Variants in DNAJC10 observed in about 807,000 individuals in gnomAD.
The protein encoded by DNAJC10 is endoplasmic reticulum disulfide reductase DNAJC10.
In DNAJC10, 101 loss-of-function variants were observed where a neutral mutation model predicts 115.0. That is an observed-to-expected ratio of 0.88 (90% CI 0.75 to 1.04). The LOEUF is 1.04. Among genes scored for constraint, DNAJC10 ranks in the 50% least tolerant of loss-of-function variants. The pLI is 0.00. For missense variants in DNAJC10, 981 were observed against 928.8 expected (o/e 1.06, Z -0.73); for synonymous variants, 307 against 301.5 (o/e 1.02, Z -0.19).
At chr2:182,733,444 AC>A (rs1298481515) in intron 10 of DNAJC10, among the ~76,000 whole-genome samples, 2 of 151,898 alleles carry the variant, frequency 1.3e-5, no homozygotes, top group African/African-American at 2.4e-5. Context: ...TAATAAAAAA[AC>A]AAAACCATGT....
intron 21 of DNAJC10, 107 bp downstream of exon 21, chr2:182,759,414 C>T: frequency 9.2e-7 from 1 of 1,083,944 alleles, no homozygotes; most frequent in Non-Finnish European, 1.3e-6. Context: ...AATGTTTCCT[C>T]TGAATTTAAA....
intron 13 of DNAJC10, among the ~76,000 whole-genome samples, chr2:182,741,849 A>G (rs1377484810): frequency 2.0e-5 from 3 of 152,154 alleles, no homozygotes; most frequent in Admixed American, 6.5e-5. Context: ...ACATGCATAC[A>G]TATTGTAATG....
intron 14 of DNAJC10, among the ~76,000 whole-genome samples, chr2:182,745,015 T>C (rs955077737): frequency 6.6e-6 from 1 of 152,232 alleles, no homozygotes; most frequent in African/African-American, 2.4e-5. Flanking sequence ...GCTTATCTCC[T>C]AGCCTTTCTT....
At chr2:182,728,091 A>G (rs1300717065) in intron 5 of DNAJC10, among the ~76,000 whole-genome samples, 2 of 152,190 alleles carry the variant, frequency 1.3e-5, no homozygotes, top group Non-Finnish European at 2.9e-5. Context: ...CTCTTATTTT[A>G]TTCTTTCAGA....
At position 182,785,855 on chromosome 2, in the gene DNAJC10, T is replaced by C. The variant is rs1694936832; in HGVS notation, c.*8723T>C. 1 of 152,134 alleles carries C rather than the reference T, an allele frequency of 6.6e-6. No homozygotes were observed. The highest frequency in any genetic ancestry group is 1.5e-5 in the Non-Finnish European group (1 of 68,012). The allele number at this position is 152,134 out of a possible 1,614,324, so 9.4% of individuals were successfully genotyped here. A position where few individuals can be genotyped will look rare whatever the true frequency, so the allele number is the denominator to read the frequency against. On this transcript the variant is annotated 3_prime_UTR_variant, in exon 24 of 24. Coordinates refer to ENST00000264065, the MANE Select transcript of DNAJC10 (RefSeq NM_018981.4). ...GAAATCAGAATATTTGAATTTGATA[T>C]TAACTAAGAATTGTTTGCAGGGGAT...
At chr2:182,749,884 T>C (rs1693971426) in intron 14 of DNAJC10, among the ~76,000 whole-genome samples, 1 of 152,178 alleles carries the variant, frequency 6.6e-6, no homozygotes, top group African/African-American at 2.4e-5. Flanking sequence ...ATTCAAAATA[T>C]GCAAGGGCTG....
intron 14 of DNAJC10, among the ~76,000 whole-genome samples, chr2:182,749,024 T>C (rs1693946372): frequency 6.6e-6 from 1 of 152,090 alleles, no homozygotes; most frequent in Non-Finnish European, 1.5e-5. Context: ...TGAGAGATAG[T>C]TTGTTATAAT....
rs770615487 is a variant in DNAJC10, at chr2:182,757,700, T to G, written c.1818T>G (p.Thr606=). 14 of 1,561,964 alleles carry G rather than the reference T, an allele frequency of 9.0e-6. No homozygotes were observed. Among genetic ancestry groups the G allele is most frequent in the Non-Finnish European group, 1.2e-5 (14 of 1,159,764 alleles). The change falls in exon 19 of 24, where the codon ACT becomes ACG. Residue 606 remains threonine (T), a synonymous_variant. Coordinates refer to ENST00000264065, the MANE Select transcript of DNAJC10 (RefSeq NM_018981.4). ...PEWKRMARTL[T]GLINVGSIDC... is the part of the protein sequence containing the mutation. ...TGTTTTTTCTTTTACAGACATTAAC[T>G]GGACTGATCAACGTGGGCAGTATAG... is the stretch of plus-strand genomic sequence containing the variant.
At chr2:182,762,930 T>A in intron 22 of DNAJC10, 129 bp downstream of exon 22, 1 of 1,077,504 alleles carries the variant, frequency 9.3e-7, no homozygotes, top group Non-Finnish European at 1.3e-6. Flanking sequence ...ATATTACTGA[T>A]ACAAGTTTTT....
At chr2:182,756,282 A>G (rs377462032) in intron 17 of DNAJC10, 32 bp from the exon 18 acceptor site, 13 of 1,577,156 alleles carry the variant, frequency 8.2e-6, no homozygotes, top group Non-Finnish European at 1.1e-5. Context: ...TGCTTTATAT[A>G]TATGTTATAA....
Position 182,782,045 on chromosome 2 carries a change from T to C in DNAJC10, c.*4913T>C, listed in dbSNP as rs1302920754. 6.6e-6 allele frequency: 1 copy of C among 152,248 alleles called. No homozygotes were observed. The highest frequency in any genetic ancestry group is 1.5e-5 in the Non-Finnish European group (1 of 68,046). The allele number at this position is 152,248 out of a possible 1,614,324, so 9.4% of individuals were successfully genotyped here. A position where few individuals can be genotyped will look rare whatever the true frequency, so the allele number is the denominator to read the frequency against. Reference sequence around the variant, plus strand: ...CCCATGCCTATGTCCTGAATGGTGTTGCCTAGGTTTTCTTCTAGGTTTTTT... The same window carrying C: ...CCCATGCCTATGTCCTGAATGGTGTCGCCTAGGTTTTCTTCTAGGTTTTTT... On this transcript the variant is annotated 3_prime_UTR_variant, in exon 24 of 24. Coordinates refer to ENST00000264065, the MANE Select transcript of DNAJC10 (RefSeq NM_018981.4).
At chr2:182,747,240 T>C (rs1349711156) in intron 14 of DNAJC10, among the ~76,000 whole-genome samples, 70 of 151,516 alleles carry the variant, frequency 4.6e-4, no homozygotes, top group African/African-American at 1.6e-3. Flanking sequence ...ATATGAACTT[T>C]AAAGTAGTTT....
At chr2:182,742,318 T>G (rs1693756534) in intron 13 of DNAJC10, among the ~76,000 whole-genome samples, 1 of 152,036 alleles carries the variant, frequency 6.6e-6, no homozygotes, top group Non-Finnish European at 1.5e-5. Context: ...CCCTCCAGAG[T>G]AGCTGGGACT....
In DNAJC10 at chr2:182,777,654, TCTC is replaced by T. The variant is rs907959966; in HGVS notation, c.*525_*527del. On this transcript the variant is annotated 3_prime_UTR_variant, in exon 24 of 24. Transcript: ENST00000264065. ...GGTAACTTAGTTTTTGGTCACTTGT[TCTC>T]CTAAAAATGCTATCCCTAACCATAT... is the stretch of plus-strand genomic sequence containing the variant. 3 of 152,178 alleles carry T rather than the reference TCTC, an allele frequency of 2.0e-5. No homozygotes were observed. Among genetic ancestry groups the T allele is most frequent in the African/African-American group, 7.2e-5 (3 of 41,454 alleles). 9.4% of individuals were successfully genotyped at this position (152,178 alleles called of 1,614,324 possible).
At chr2:182,763,255 G>A (rs1446275690) in intron 22 of DNAJC10, among the ~76,000 whole-genome samples, 2 of 151,984 alleles carry the variant, frequency 1.3e-5, no homozygotes, top group East Asian at 3.9e-4. Context: ...AGCTTCCTTT[G>A]TGGGGAGGAA....
chr2:182,737,846 C>T (rs1318063636), intron 11 of DNAJC10, among the ~76,000 whole-genome samples: 1 of 152,170 alleles, frequency 6.6e-6, no homozygotes, highest in African/African-American at 2.4e-5. Context: ...CTCTTTTTCT[C>T]ATACCTTATA....
intron 3 of DNAJC10, among the ~76,000 whole-genome samples, chr2:182,719,322 C>T (rs1309655636): frequency 1.4e-5 from 2 of 145,228 alleles, no homozygotes; most frequent in Non-Finnish European, 3.0e-5. Flanking sequence ...GTGACGCCAG[C>T]GGCTTCCTGC....
At chr2:182,754,930 C>A in intron 16 of DNAJC10, 73 bp from the exon 17 acceptor site, 1 of 1,343,258 alleles carries the variant, frequency 7.4e-7, no homozygotes, top group Non-Finnish European at 1.0e-6. Flanking sequence ...TACTTAAAGG[C>A]AAACTTGTTA....
rs4018698 is a variant in DNAJC10 at position 182,793,820 on chromosome 2, T to TCACACACACACACACACACACACACA, written c.*16708_*16733dup. The TCACACACACACACACACACACACACA allele has an allele frequency of 1.5e-5, 2 of 135,636 alleles. No individual in the cohort carries two copies. Among genetic ancestry groups the TCACACACACACACACACACACACACA allele is most frequent in the African/African-American group, 5.8e-5 (2 of 34,424 alleles). 8.4% of individuals were successfully genotyped at this position (135,636 alleles called of 1,614,324 possible). A position where few individuals can be genotyped will look rare whatever the true frequency, so the allele number is the denominator to read the frequency against. On this transcript the variant is annotated 3_prime_UTR_variant, in exon 24 of 24. Coordinates refer to ENST00000264065, the MANE Select transcript of DNAJC10 (RefSeq NM_018981.4). ...TAAAATTTTCCAGAGAGGAAACACA[T>TCACACACACACACACACACACACACA]CACACACACACACACACACACACAC... is the stretch of plus-strand genomic sequence containing the variant.
Sources: gnomAD v4.1 joint callset for allele counts (sites outside exome capture counted in the v4.1 genomes callset) on GRCh38, gnomAD v4.1.1 for gene constraint, MANE v1.5 for transcripts, NCBI Gene and HGNC (gene_info 2026-07-23, HGNC 2026-07-21) for gene names.